The following COCH variants were observed in gnomAD, a reference collection of about 807,000 sequenced individuals.
The protein encoded by COCH is cochlin.
Under a neutral mutation model 54.8 loss-of-function variants are expected in COCH, and 40 were observed. The ratio of observed to expected loss-of-function variants is 0.73; its 90% confidence interval spans 0.57 to 0.95. The LOEUF (loss-of-function observed/expected upper bound fraction) is 0.95, where lower values mean the gene tolerates loss of function less well. COCH is among the 40% of genes least tolerant of loss of function. The probability of loss-of-function intolerance (pLI) is 0.00; values close to 1 mark genes in which losing one functional copy is unlikely to be tolerated. For synonymous variants in COCH, 256 were observed against 237.9 expected, an observed-to-expected ratio of 1.08 and a Z score of -0.70; for missense variants, 605 against 675.0, an observed-to-expected ratio of 0.90 and a Z score of 1.15.
rs1895462457 is a variant in COCH at position 30,878,754 on chromosome 14, AG to A, written c.240-56del. ...TAGATACAACATGGCACTATAAGTC[AG>A]TGGGATGCCCTGAAAAAGTGTGGAT... On this transcript the variant is annotated intron_variant, in intron 4 of 11. Coordinates refer to ENST00000396618, the MANE Select transcript of COCH (RefSeq NM_004086.3). 1.1e-5 allele frequency: 18 copies of A among 1,613,088 alleles called. No homozygotes were observed. The South Asian group carries it at 2.0e-4, about 18-fold the overall frequency.
chr14:30,890,283 C>T lies in COCH; in HGVS notation c.*492C>T. 1 of 985,716 alleles carries T rather than the reference C, an allele frequency of 1.0e-6. No individual in the cohort carries two copies. Among genetic ancestry groups the T allele is most frequent in the Non-Finnish European group, 1.2e-6 (1 of 830,164 alleles). 61.1% of individuals were successfully genotyped at this position (985,716 alleles called of 1,614,324 possible). ...TTTTCTTAAAACCAATCAATAATAG[C>T]TAGCTATTACTGCAGACTATAAAAT... On this transcript the variant is annotated 3_prime_UTR_variant, in exon 12 of 12. Coordinates refer to ENST00000396618, the MANE Select transcript of COCH (RefSeq NM_004086.3).
At chr14:30,883,773 T>C (rs564656526) in intron 8 of COCH, among the ~76,000 whole-genome samples, 1 of 152,372 alleles carries the variant, frequency 6.6e-6, no homozygotes, top group South Asian at 2.1e-4. Flanking sequence ...AGAGTAGTTA[T>C]ATAAAAGTGA....
intron 8 of COCH, among the ~76,000 whole-genome samples, chr14:30,881,579 A>G (rs190026684): frequency 6.6e-6 from 1 of 152,192 alleles, no homozygotes; most frequent in African/African-American, 2.4e-5. Context: ...CCACCTCCCT[A>G]TTCTGTTATT....
In COCH at chr14:30,877,464, A is replaced by C; in HGVS notation, c.83-108A>C. 2.2e-6 allele frequency: 3 copies of C among 1,358,180 alleles called. No individual in the cohort carries two copies. The Admixed American group carries it at 5.7e-5, about 26-fold the overall frequency. The allele number at this position is 1,358,180 out of a possible 1,614,324, so 84.1% of individuals were successfully genotyped here. On this transcript the variant is annotated intron_variant, in intron 3 of 11. Transcript: ENST00000396618. This position sits in a 1 kb window ranked among gnomAD's most constrained non-coding sequence, Gnocchi z 8.6. ...ATATAAGTCAATAGTCATAACTAGAAGTGTAGAAATTAGGGAAGTAAAACT... is the reference window on the plus strand; with the variant it reads ...ATATAAGTCAATAGTCATAACTAGACGTGTAGAAATTAGGGAAGTAAAACT...
rs978000615 is a variant in COCH, at chr14:30,890,359, A to G, written c.*568A>G. 1.0e-6 allele frequency: 1 copy of G among 985,392 alleles called. No homozygotes were observed. Among genetic ancestry groups the G allele is most frequent in the Non-Finnish European group, 1.2e-6 (1 of 829,980 alleles). 61.0% of individuals were successfully genotyped at this position (985,392 alleles called of 1,614,324 possible). On this transcript the variant is annotated 3_prime_UTR_variant, in exon 12 of 12. Coordinates refer to ENST00000396618, the MANE Select transcript of COCH (RefSeq NM_004086.3). Reference sequence around the variant, plus strand: ...CAAACTGCTTTTGTAGTGTGTTTTCATAACAACTTATGACTAAAAATATCA... The same window carrying G: ...CAAACTGCTTTTGTAGTGTGTTTTCGTAACAACTTATGACTAAAAATATCA...
At chr14:30,881,183 C>A (rs549065295) in intron 8 of COCH, among the ~76,000 whole-genome samples, 16 of 147,404 alleles carry the variant, frequency 1.1e-4, no homozygotes, top group Non-Finnish European at 1.9e-4. Context: ...CCACTGCACT[C>A]CAGCCTGGGC....
chr14:30,894,246 T>G (rs1896068163), downstream of COCH: 1 of 152,338 alleles, frequency 6.6e-6, no homozygotes. Flanking sequence ...CCAAATATTT[T>G]TAAACAAGTT....
chr14:30,891,866 G>A (rs1050670318), downstream of COCH, among the ~76,000 whole-genome samples: 5 of 152,152 alleles, frequency 3.3e-5, no homozygotes, highest in African/African-American at 1.2e-4. Context: ...ACATAATCAG[G>A]ATAAAGGTTA....
Position 30,885,474 on chromosome 14 carries a change from G to C in COCH, c.814G>C (p.Val272Leu). 6.2e-7 allele frequency: 1 copy of C among 1,614,046 alleles called. No homozygotes were observed. The highest frequency in any genetic ancestry group is 8.5e-7 in the Non-Finnish European group (1 of 1,179,894). Residue 272 changes from valine (V) to leucine (L), a missense_variant, in exon 10 of 12, where the codon GTA (valine) becomes CTA (leucine). By Grantham distance (32) the Val-to-Leu change is conservative (BLOSUM62 1). Transcript: ENST00000396618. ...VRKGIPKVVV[V>L]FIDGWPSDDI... Reference sequence around the variant, plus strand: ...AAAAGGGATCCCCAAAGTGGTGGTGGTATTTATTGATGGTTGGCCTTCTGA... The same window carrying C: ...AAAAGGGATCCCCAAAGTGGTGGTGCTATTTATTGATGGTTGGCCTTCTGA...
intron 11 of COCH, among the ~76,000 whole-genome samples, chr14:30,886,878 T>C (rs1895808589): frequency 6.6e-6 from 1 of 152,156 alleles, no homozygotes; most frequent in Non-Finnish European, 1.5e-5. Context: ...CCACTGCCCC[T>C]GGCTAATTTT....
Position 30,889,840 on chromosome 14 carries a change from G to A in COCH, c.*49G>A, listed in dbSNP as rs1359432103. ...GAAAAAGTACAAGGGGATCCAGTGT[G>A]TAAATTGTATTCTCATAATACTGAA... is the stretch of plus-strand genomic sequence containing the variant. On this transcript the variant is annotated 3_prime_UTR_variant, in exon 12 of 12. Transcript: ENST00000396618. 3.2e-6 allele frequency: 5 copies of A among 1,583,748 alleles called. No individual in the cohort carries two copies. Among genetic ancestry groups the A allele is most frequent in the Non-Finnish European group, 4.3e-6 (5 of 1,162,000 alleles).
downstream of COCH, among the ~76,000 whole-genome samples, chr14:30,892,543 T>C (rs1024984072): frequency 6.6e-6 from 1 of 152,210 alleles, no homozygotes; most frequent in Non-Finnish European, 1.5e-5. Context: ...CTCACGCCTG[T>C]AATCCCAGCC....
Position 30,886,316 on chromosome 14 carries a change from A to G in COCH, c.1477+4A>G, listed in dbSNP as rs1895789681. 2 of 1,613,992 alleles carry G rather than the reference A, an allele frequency of 1.2e-6. No homozygotes were observed. The highest frequency in any genetic ancestry group is 2.7e-5 in the African/African-American group (2 of 74,926). On this transcript the variant is annotated splice_donor_region_variant and intron_variant, in intron 11 of 11. Coordinates refer to ENST00000396618, the MANE Select transcript of COCH (RefSeq NM_004086.3). ...GCAGCTGCTGCACATGATGCAGGTA[A>G]GGTCCTTGTTCTTTATAGGAGAAGG...
chr14:30,889,909 T>C lies in COCH; in HGVS notation c.*118T>C. On this transcript the variant is annotated 3_prime_UTR_variant, in exon 12 of 12. Transcript: ENST00000396618. ...ATCAGATACAAAACTATTAAGTATGTCAACAGCCATTTAGGCAAATAAGCA... is the reference window on the plus strand; with the variant it reads ...ATCAGATACAAAACTATTAAGTATGCCAACAGCCATTTAGGCAAATAAGCA... 1.4e-6 allele frequency: 2 copies of C among 1,441,736 alleles called. No individual in the cohort carries two copies. Among genetic ancestry groups the C allele is most frequent in the Non-Finnish European group, 1.8e-6 (2 of 1,098,660 alleles). The allele number at this position is 1,441,736 out of a possible 1,614,324, so 89.3% of individuals were successfully genotyped here.
At position 30,874,955 on chromosome 14, in the gene COCH, T is replaced by A. The variant is rs1895298367; in HGVS notation, c.17T>A (p.Ile6Asn). The change falls in exon 2 of 12, where the codon ATC becomes AAC. Residue 6 changes from isoleucine (I) to asparagine (N), a missense_variant. Ile to Asn is a moderately radical substitution (Grantham distance 149). Coordinates refer to ENST00000396618, the MANE Select transcript of COCH (RefSeq NM_004086.3). ...TCAGTCACCATGTCCGCAGCCTGGA[T>A]CCCGGCTCTCGGCCTCGGTGGGTGC... MSAAW[I>N]PALGLGVCLL... 2 of 1,613,334 alleles carry A rather than the reference T, an allele frequency of 1.2e-6. No homozygotes were observed. The highest frequency in any genetic ancestry group is 1.7e-6 in the Non-Finnish European group (2 of 1,179,836).
chr14:30,879,538 A>C, intron 6 of COCH, 53 bp downstream of exon 6: 1 of 1,569,600 alleles, frequency 6.4e-7, no homozygotes, highest in African/African-American at 1.3e-5. Context: ...TTTGGAAGTT[A>C]TGAATAAACG....
At chr14:30,885,130 G>A (rs1256587239) in intron 9 of COCH, 1 of 1,508,064 alleles carries the variant, frequency 6.6e-7, no homozygotes, top group Non-Finnish European at 8.9e-7. Context: ...ATTGATGTGG[G>A]GTAAACAAAT....
At chr14:30,895,080 GAA>G (rs1482769436), downstream of COCH, 75 of 71,864 alleles carry the variant, frequency 1.0e-3, no homozygotes, top group South Asian at 0.031. Flanking sequence ...AAAAAAAAAA[GAA>G]GAAGAAGAAG....
At chr14:30,883,690 T>C (rs1368111659) in intron 8 of COCH, among the ~76,000 whole-genome samples, 1 of 152,214 alleles carries the variant, frequency 6.6e-6, no homozygotes, top group East Asian at 1.9e-4. Flanking sequence ...TAGGAAATAC[T>C]GACTCATCTA....
Sources: allele counts gnomAD v4.1 joint callset (sites outside exome capture counted in the v4.1 genomes callset), GRCh38; gene constraint gnomAD v4.1.1; non-coding constraint Gnocchi (gnomAD v3.1); transcripts MANE v1.5; gene names NCBI Gene and HGNC (gene_info 2026-07-23, HGNC 2026-07-21).